Variants in OSBPL1A observed in about 807,000 individuals in gnomAD.
The protein encoded by OSBPL1A is oxysterol-binding protein-related protein 1.
Under a neutral mutation model 137.1 loss-of-function variants are expected in OSBPL1A, and 80 were observed. The ratio of observed to expected loss-of-function variants is 0.58; its 90% confidence interval spans 0.49 to 0.70. The LOEUF is 0.70. OSBPL1A is among the 30% of genes least tolerant of loss of function. OSBPL1A has a pLI of 0.00. For missense variants in OSBPL1A, 970 were observed against 1,129.4 expected, an observed-to-expected ratio of 0.86 and a Z score of 2.02; for synonymous variants, 365 against 389.7, an observed-to-expected ratio of 0.94 and a Z score of 0.75.
intron 3 of OSBPL1A, 150 bp from the exon 4 acceptor site, chr18:24,367,116 A>G: frequency 3.0e-6 from 2 of 666,496 alleles, no homozygotes; most frequent in Non-Finnish European, 4.5e-6. Context: ...AACAATAAAA[A>G]GCCAGCACGG....
Position 24,271,773 on chromosome 18 carries a change from G to A in OSBPL1A, c.1281+9069C>T. ...GGCGCGACCCAGGGCGGCCCGCAAG[G>A]TCTCCCTAAGTCACCTTTGCGCAGC... On this transcript the variant is annotated intron_variant, in intron 15 of 27. Transcript: ENST00000319481. The surrounding 1 kb of genome is among the most constrained non-coding windows in gnomAD (Gnocchi z 4.0). 1 of 985,368 alleles carries A rather than the reference G, an allele frequency of 1.0e-6. No homozygotes were observed. Among genetic ancestry groups the A allele is most frequent in the Non-Finnish European group, 1.2e-6 (1 of 829,936 alleles). 61.0% of individuals were successfully genotyped at this position (985,368 alleles called of 1,614,324 possible). A position where few individuals can be genotyped will look rare whatever the true frequency, so the allele number is the denominator to read the frequency against.
At chr18:24,348,341 T>C (rs548505769) in intron 4 of OSBPL1A, among the ~76,000 whole-genome samples, 49 of 152,360 alleles carry the variant, frequency 3.2e-4, no homozygotes, top group African/African-American at 1.1e-3. Context: ...TATCAGACAC[T>C]GTTCTAAAGT....
intron 15 of OSBPL1A, among the ~76,000 whole-genome samples, chr18:24,251,338 A>G (rs1199930415): frequency 6.6e-6 from 1 of 152,138 alleles, no homozygotes; most frequent in Non-Finnish European, 1.5e-5. Context: ...CTAACCTAGA[A>G]CAGTCTTAGT....
At chr18:24,330,336 A>G (rs967221167) in intron 7 of OSBPL1A, among the ~76,000 whole-genome samples, 2 of 152,122 alleles carry the variant, frequency 1.3e-5, no homozygotes, top group Admixed American at 1.3e-4. Context: ...CTCTGCTCAG[A>G]ATACCCTTTC....
chr18:24,309,853 C>A (rs2090579936), intron 13 of OSBPL1A, among the ~76,000 whole-genome samples: 1 of 151,978 alleles, frequency 6.6e-6, no homozygotes, highest in Non-Finnish European at 1.5e-5. Flanking sequence ...TTGAGACCAG[C>A]CTGGCCTACA....
At chr18:24,180,602 C>T (rs1222515935) in intron 19 of OSBPL1A, among the ~76,000 whole-genome samples, 2 of 152,124 alleles carry the variant, frequency 1.3e-5, no homozygotes, top group Non-Finnish European at 2.9e-5. Flanking sequence ...CAGCCGGGCA[C>T]GGTGGCTCAT....
chr18:24,254,907 A>C (rs1386266929), intron 15 of OSBPL1A, among the ~76,000 whole-genome samples: 1 of 152,194 alleles, frequency 6.6e-6, no homozygotes, highest in African/African-American at 2.4e-5. Flanking sequence ...CAATGAAACA[A>C]AAAGATGGTT....
intron 17 of OSBPL1A, among the ~76,000 whole-genome samples, chr18:24,214,530 AG>A (rs2087637053): frequency 6.6e-6 from 1 of 152,222 alleles, no homozygotes; most frequent in Non-Finnish European, 1.5e-5. Flanking sequence ...CTATCGAGAA[AG>A]GTCATGTCTC....
chr18:24,223,131 A>G (rs1182162433), intron 17 of OSBPL1A, among the ~76,000 whole-genome samples: 9 of 152,122 alleles, frequency 5.9e-5, no homozygotes, highest in Admixed American at 5.9e-4. Context: ...CCAAACTACT[A>G]TGAATACAAA....
At chr18:24,311,587 C>T (rs1390318227) in intron 13 of OSBPL1A, 3 of 725,454 alleles carry the variant, frequency 4.1e-6, no homozygotes, top group South Asian at 1.2e-4. Flanking sequence ...AACCTACCAA[C>T]CAGGAAAGGT....
intron 14 of OSBPL1A, among the ~76,000 whole-genome samples, chr18:24,290,714 C>T (rs893746529): frequency 7.9e-5 from 12 of 152,018 alleles, no homozygotes; most frequent in African/African-American, 2.9e-4. Flanking sequence ...ATAAATAAAA[C>T]AAAACACAAC....
At chr18:24,294,794 G>A (rs751165726) in intron 14 of OSBPL1A, among the ~76,000 whole-genome samples, 3 of 152,104 alleles carry the variant, frequency 2.0e-5, no homozygotes, top group Non-Finnish European at 2.9e-5. Flanking sequence ...TAAATACCAC[G>A]TTATTTATCC....
At chr18:24,188,044 G>A (rs1383844598) in intron 18 of OSBPL1A, among the ~76,000 whole-genome samples, 1 of 152,292 alleles carries the variant, frequency 6.6e-6, no homozygotes, top group East Asian at 1.9e-4. Flanking sequence ...AAGAAAGGAA[G>A]AGCTTTACCT....
intron 2 of OSBPL1A, among the ~76,000 whole-genome samples, chr18:24,373,754 A>C (rs1905858033): frequency 6.6e-6 from 1 of 152,186 alleles, no homozygotes; most frequent in Admixed American, 6.5e-5. Flanking sequence ...AAGGAAAGAA[A>C]ACCAAGAAAT....
chr18:24,181,390 C>T (rs1290075154), intron 18 of OSBPL1A, 111 bp from the exon 19 acceptor site: 2 of 1,150,526 alleles, frequency 1.7e-6, no homozygotes, highest in Admixed American at 5.3e-5. Context: ...ACTAGCAACC[C>T]ATGAAATTTC....
intron 13 of OSBPL1A, chr18:24,311,617 T>C (rs996644550): frequency 3.9e-6 from 2 of 517,362 alleles, no homozygotes; most frequent in Admixed American, 5.7e-5. Context: ...GTTGCATTAT[T>C]TAAACTCTGA....
chr18:24,325,264 C>A (rs906713149), intron 7 of OSBPL1A, among the ~76,000 whole-genome samples: 10 of 152,180 alleles, frequency 6.6e-5, no homozygotes, highest in South Asian at 4.1e-4. Context: ...TCAAAGCCCT[C>A]CAACCACACT....
chr18:24,305,694 A>C (rs2090486143), intron 13 of OSBPL1A, among the ~76,000 whole-genome samples: 1 of 152,176 alleles, frequency 6.6e-6, no homozygotes. Flanking sequence ...CCTCACCCAA[A>C]TCTCACCTTG....
chr18:24,396,223 T>TA (rs1175372115), intron 1 of OSBPL1A, among the ~76,000 whole-genome samples: 21 of 106,116 alleles, frequency 2.0e-4, no homozygotes, highest in South Asian at 7.4e-4. Context: ...CTGTCTCAAT[T>TA]TAAAAAAAAA....
Sources: gnomAD v4.1 joint callset for allele counts (sites outside exome capture counted in the v4.1 genomes callset) on GRCh38, gnomAD v4.1.1 for gene constraint, Gnocchi (gnomAD v3.1) non-coding constraint, MANE v1.5 for transcripts, NCBI Gene and HGNC (gene_info 2026-07-23, HGNC 2026-07-21) for gene names.